The following ADCK1 variants were observed in gnomAD, a reference collection of about 807,000 sequenced individuals.
ADCK1 encodes aarF domain containing kinase 1.
A neutral mutation model predicts 52.3 loss-of-function variants in ADCK1; 41 were observed. That is an observed-to-expected ratio of 0.78 (90% CI 0.61 to 1.02). The LOEUF (loss-of-function observed/expected upper bound fraction) is 1.02. Ranked by LOEUF, ADCK1 falls within the 50% of genes least tolerant of loss-of-function variation. ADCK1 has a pLI of 0.00. For missense variants in ADCK1, 658 were observed against 679.5 expected, an observed-to-expected ratio of 0.97 and a Z score of 0.35; for synonymous variants, 250 against 274.6, an observed-to-expected ratio of 0.91 and a Z score of 0.89.
chr14:77,898,936 T>C (rs545674265), intron 5 of ADCK1, among the ~76,000 whole-genome samples, 164 bp from the exon 6 acceptor site: 2 of 152,160 alleles, frequency 1.3e-5, no homozygotes, highest in East Asian at 1.9e-4. Flanking sequence ...ACCAAGCTTA[T>C]GGGAGAGCAG....
In ADCK1 at chr14:77,852,982, C is replaced by G. The variant is rs948618486; in HGVS notation, c.220-6094C>G. ...CAGGCTGGTCTCAAAATCTCTGGCT[C>G]AGGCAACCCATCGTCCCCCTTGGCC... is the stretch of plus-strand genomic sequence containing the variant. On this transcript the variant is annotated intron_variant, in intron 3 of 10. Coordinates refer to ENST00000238561, the MANE Select transcript of ADCK1 (RefSeq NM_020421.4). Among the ~76,000 whole-genome samples, 13 of 132,966 alleles carry G rather than the reference C, an allele frequency of 9.8e-5. 1 individual carries two copies. Among genetic ancestry groups the G allele is most frequent in the Admixed American group, 7.2e-4 (9 of 12,490 alleles). 87.2% of individuals were successfully genotyped at this position (132,966 alleles called of 152,430 possible). A position where few individuals can be genotyped will look rare whatever the true frequency, so the allele number is the denominator to read the frequency against.
chr14:77,918,118 A>G (rs2083968180), intron 7 of ADCK1, among the ~76,000 whole-genome samples: 1 of 152,150 alleles, frequency 6.6e-6, no homozygotes, highest in African/African-American at 2.4e-5. Flanking sequence ...AGCCATCATT[A>G]TTTGTCATGC....
intron 4 of ADCK1, among the ~76,000 whole-genome samples, chr14:77,875,739 C>T (rs573712798): frequency 1.3e-4 from 20 of 152,210 alleles, no homozygotes; most frequent in Admixed American, 7.2e-4. Flanking sequence ...AGGAAGATGT[C>T]GCTTCAACTG....
chr14:77,904,566 A>G lies in ADCK1; in HGVS notation c.742-3237A>G, dbSNP rs568824792. Among the ~76,000 whole-genome samples, 4 of 152,372 alleles carry G rather than the reference A, an allele frequency of 2.6e-5. No individual in the cohort carries two copies. In the East Asian group the frequency reaches 5.8e-4, roughly 22 times the overall value. ...TGGGCATGTTGACCAAAGCATAGAA[A>G]CAAAGCAGAAATGTGAGGTCAGGGC... On this transcript the variant is annotated intron_variant, in intron 6 of 10. Coordinates refer to ENST00000238561, the MANE Select transcript of ADCK1 (RefSeq NM_020421.4).
chr14:77,870,563 C>T (rs1400632656), intron 4 of ADCK1, among the ~76,000 whole-genome samples: 5 of 152,200 alleles, frequency 3.3e-5, no homozygotes, highest in Non-Finnish European at 1.5e-5. Context: ...TTCCATCATC[C>T]ATATCTTGCA....
At chr14:77,895,522 C>T (rs2083390047) in intron 5 of ADCK1, among the ~76,000 whole-genome samples, 1 of 152,172 alleles carries the variant, frequency 6.6e-6, no homozygotes, top group Non-Finnish European at 1.5e-5. Flanking sequence ...GGAGAAGATG[C>T]ATTTTGGGAG....
chr14:77,812,095 C>G (rs562552998), intron 1 of ADCK1, among the ~76,000 whole-genome samples: 9 of 152,290 alleles, frequency 5.9e-5, no homozygotes, highest in African/African-American at 2.2e-4. Context: ...AATCAATCAA[C>G]ATATCCATCA....
intron 7 of ADCK1, among the ~76,000 whole-genome samples, chr14:77,909,811 G>A (rs139271429): frequency 6.6e-5 from 10 of 152,258 alleles, no homozygotes; most frequent in Middle Eastern, 6.8e-3. Flanking sequence ...AGCATTTATT[G>A]CATGCCTAAC....
chr14:77,864,242 T>C (rs75636587), intron 4 of ADCK1, among the ~76,000 whole-genome samples: 8,235 of 152,204 alleles, frequency 0.054, 307 homozygotes, highest in Middle Eastern at 0.092. Flanking sequence ...TATCCAGTTG[T>C]TTTGTAAGAG....
At chr14:77,914,419 C>G (rs917306940) in intron 7 of ADCK1, 1 of 985,444 alleles carries the variant, frequency 1.0e-6, no homozygotes, top group Non-Finnish European at 1.2e-6. Context: ...GTTCTTAATT[C>G]CATTCTGTGT....
intron 4 of ADCK1, 76 bp from the exon 5 acceptor site, chr14:77,887,015 C>T (rs1163155991): frequency 3.5e-5 from 51 of 1,465,788 alleles, no homozygotes; most frequent in Non-Finnish European, 4.5e-5. Context: ...AGCCCTGACT[C>T]TGGCCCATCT....
Position 77,934,059 on chromosome 14 carries a change from G to T in ADCK1, c.*668G>T, listed in dbSNP as rs1014505924. 2.0e-5 allele frequency: 3 copies of T among 152,332 alleles called. No individual in the cohort carries two copies. Among genetic ancestry groups the T allele is most frequent in the Admixed American group, 6.5e-5 (1 of 15,294 alleles). The allele number at this position is 152,332 out of a possible 1,614,324, so 9.4% of individuals were successfully genotyped here. On this transcript the variant is annotated 3_prime_UTR_variant, in exon 11 of 11. Transcript: ENST00000238561. ...CAAGGGCTTATGGTTCCTCTTGGTT[G>T]CTGCTTCCTCAGGGTTTCCCAGGGA... is the stretch of plus-strand genomic sequence containing the variant.
chr14:77,887,372 A>T, intron 5 of ADCK1, 123 bp downstream of exon 5: 1 of 1,120,540 alleles, frequency 8.9e-7, no homozygotes, highest in South Asian at 2.0e-5. Context: ...GCAGAGGGAG[A>T]GGAGAGCTGA....
At chr14:77,853,700 A>G (rs1198146625) in intron 3 of ADCK1, among the ~76,000 whole-genome samples, 1 of 152,058 alleles carries the variant, frequency 6.6e-6, no homozygotes, top group African/African-American at 2.4e-5. Flanking sequence ...TGTTAACCCT[A>G]AGCTTTTTGG....
rs562565501 is a variant in ADCK1, at chr14:77,859,283, C to G, written c.423+4C>G. 6.2e-7 allele frequency: 1 copy of G among 1,612,006 alleles called. No individual in the cohort carries two copies. The highest frequency in any genetic ancestry group is 1.1e-5 in the South Asian group (1 of 90,700). Reference sequence around the variant, plus strand: ...CCGAGAAGATCTGGGCAAGGAGGTACCCACCTTTGCAGGGGGGATGGGCCT... The same window carrying G: ...CCGAGAAGATCTGGGCAAGGAGGTAGCCACCTTTGCAGGGGGGATGGGCCT... On this transcript the variant is annotated splice_donor_region_variant and intron_variant, in intron 4 of 10. Transcript: ENST00000238561.
chr14:77,914,527 A>G (rs2083871975), intron 7 of ADCK1: 1 of 985,226 alleles, frequency 1.0e-6, no homozygotes, highest in African/African-American at 1.7e-5. Flanking sequence ...GCTACAATAG[A>G]GGTGTGAGCA....
At chr14:77,807,040 T>TCTCTC in intron 1 of ADCK1, among the ~76,000 whole-genome samples, 2 of 121,846 alleles carry the variant, frequency 1.6e-5, no homozygotes, top group Non-Finnish European at 3.3e-5. Flanking sequence ...CTCTCTCTCT[T>TCTCTC]TTTTTTTTTT....
At chr14:77,891,961 T>G (rs58330719) in intron 5 of ADCK1, among the ~76,000 whole-genome samples, 4,366 of 152,306 alleles carry the variant, frequency 0.029, 105 homozygotes, top group African/African-American at 0.052. Flanking sequence ...GTATTAAGCA[T>G]TTTTGGCTTG....
chr14:77,814,715 A>AAG (rs1555346612), intron 1 of ADCK1, among the ~76,000 whole-genome samples: 1 of 150,660 alleles, frequency 6.6e-6, no homozygotes, highest in African/African-American at 2.4e-5. Context: ...AAAAAAAAAA[A>AAG]AAAAGAAGAA....
Sources: gnomAD v4.1 joint callset for allele counts (sites outside exome capture counted in the v4.1 genomes callset) on GRCh38, gnomAD v4.1.1 for gene constraint, MANE v1.5 for transcripts, NCBI Gene and HGNC (gene_info 2026-07-23, HGNC 2026-07-21) for gene names.